The following GGACT variants were observed in gnomAD, a reference collection of about 807,000 sequenced individuals.
The protein encoded by GGACT is gamma-glutamylaminecyclotransferase.
For missense variants in GGACT, 241 were observed against 233.2 expected (o/e 1.03, Z -0.22); for synonymous variants, 118 against 115.3 (o/e 1.02, Z -0.15).
In GGACT at chr13:100,531,878, C is replaced by G. The variant is rs1165672015; in HGVS notation, c.*252G>C. ...GGAGGAAGAAGAATTAGGCATAACA[C>G]GAGTTCTCTAAATGTCATTTAGGGG... On this transcript the variant is annotated 3_prime_UTR_variant, in exon 3 of 3. Coordinates refer to ENST00000683975, the MANE Select transcript of GGACT (RefSeq NM_001195087.2). 1 of 401,010 alleles carries G rather than the reference C, an allele frequency of 2.5e-6. No individual in the cohort carries two copies. Among genetic ancestry groups the G allele is most frequent in the Non-Finnish European group, 4.4e-6 (1 of 226,998 alleles). 24.8% of individuals were successfully genotyped at this position (401,010 alleles called of 1,614,324 possible). A position where few individuals can be genotyped will look rare whatever the true frequency, so the allele number is the denominator to read the frequency against.
chr13:100,536,029 G>A (rs1382890772), intron 2 of GGACT: 3 of 152,054 alleles, frequency 2.0e-5, no homozygotes, highest in Non-Finnish European at 4.4e-5. Context: ...CCCACTTTTG[G>A]TTAATAACAT....
intron 2 of GGACT, among the ~76,000 whole-genome samples, chr13:100,559,290 C>T (rs985693230): frequency 1.3e-5 from 2 of 152,130 alleles, no homozygotes; most frequent in Admixed American, 6.5e-5. Flanking sequence ...CTGGCTCAAG[C>T]GATTCTCCTG....
chr13:100,532,243 A>T lies in GGACT; in HGVS notation c.349T>A (p.Phe117Ile). ...EPPAPTAVQCFVYSRATFPPE... is the reference protein window; with the variant it reads ...EPPAPTAVQCIVYSRATFPPE... Reference sequence around the variant, plus strand: ...GGGAAGGTGGCCCTGCTGTACACGAAGCACTGCACCGCGGTGGGCGCTGGC... The same window carrying T: ...GGGAAGGTGGCCCTGCTGTACACGATGCACTGCACCGCGGTGGGCGCTGGC... The change falls in exon 3 of 3, where the codon TTC becomes ATC. Residue 117 changes from phenylalanine to isoleucine, a missense_variant. Phe to Ile is a conservative substitution (Grantham distance 21). Transcript: ENST00000683975. 1 of 1,510,066 alleles carries T rather than the reference A, an allele frequency of 6.6e-7. No individual in the cohort carries two copies. Among genetic ancestry groups the T allele is most frequent in the Non-Finnish European group, 8.9e-7 (1 of 1,122,814 alleles). 93.5% of individuals were successfully genotyped at this position (1,510,066 alleles called of 1,614,324 possible). A position where few individuals can be genotyped will look rare whatever the true frequency, so the allele number is the denominator to read the frequency against.
intron 2 of GGACT, among the ~76,000 whole-genome samples, chr13:100,575,641 G>A (rs555259823): frequency 6.6e-6 from 1 of 152,274 alleles, no homozygotes; most frequent in Admixed American, 6.5e-5. Flanking sequence ...GTGCACAACT[G>A]TGGTCCCAGC....
intron 2 of GGACT, among the ~76,000 whole-genome samples, chr13:100,547,903 C>A (rs2088623107): frequency 6.6e-6 from 1 of 152,224 alleles, no homozygotes; most frequent in South Asian, 2.1e-4. Flanking sequence ...AGAAACACAG[C>A]AAACGGTTTG....
intron 2 of GGACT, among the ~76,000 whole-genome samples, chr13:100,575,434 T>C (rs1388057221): frequency 6.6e-6 from 1 of 152,228 alleles, no homozygotes; most frequent in East Asian, 1.9e-4. Context: ...TGCATGATTT[T>C]TGTTTCACAA....
chr13:100,582,867 A>G (rs993097881), intron 2 of GGACT, among the ~76,000 whole-genome samples: 3 of 152,214 alleles, frequency 2.0e-5, no homozygotes, highest in Non-Finnish European at 4.4e-5. Flanking sequence ...TGTCTCCCAC[A>G]TAATAGAAAT....
chr13:100,570,477 T>TG lies in GGACT; in HGVS notation c.-11+13347dup, dbSNP rs201616526. Among the ~76,000 whole-genome samples, 334 of 152,094 alleles carry TG rather than the reference T, an allele frequency of 2.2e-3. 8 individuals carry two copies. The East Asian group carries it at 0.038, about 17-fold the overall frequency. ...AGAACTCACTATCACAAGAACAGGA[T>TG]GGGGGGGAACCGCTGCCATGATTCA... On this transcript the variant is annotated intron_variant, in intron 2 of 2. Coordinates refer to ENST00000683975, the MANE Select transcript of GGACT (RefSeq NM_001195087.2).
intron 2 of GGACT, among the ~76,000 whole-genome samples, chr13:100,560,379 C>CCATAAACA (rs1482659577): frequency 6.2e-4 from 95 of 152,224 alleles, no homozygotes; most frequent in African/African-American, 2.2e-3. Flanking sequence ...TGTTGCTGCT[C>CCATAAACA]CATAAACATT....
chr13:100,562,904 C>T (rs2088778153), intron 2 of GGACT, among the ~76,000 whole-genome samples: 1 of 152,120 alleles, frequency 6.6e-6, no homozygotes, highest in African/African-American at 2.4e-5. Flanking sequence ...AAAAAAAGAG[C>T]TCCCGTTCCC....
intron 2 of GGACT, among the ~76,000 whole-genome samples, chr13:100,549,593 C>T (rs1342583568): frequency 6.6e-6 from 1 of 152,254 alleles, no homozygotes; most frequent in African/African-American, 2.4e-5. Context: ...AGGGCCCAGC[C>T]AGACTCCGCC....
rs951319459 is a variant in GGACT at position 100,531,075 on chromosome 13, G to A, written c.*1055C>T. The A allele has an allele frequency of 5.3e-5, 8 of 152,268 alleles. No individual in the cohort carries two copies. Among genetic ancestry groups the A allele is most frequent in the African/African-American group, 1.9e-4 (8 of 41,458 alleles). The allele number at this position is 152,268 out of a possible 1,614,324, so 9.4% of individuals were successfully genotyped here. A position where few individuals can be genotyped will look rare whatever the true frequency, so the allele number is the denominator to read the frequency against. The stretch of plus-strand genomic sequence containing the variant: ...GAAGAGTAAGTGAGCTCTCCCAACA[G>A]AGAATGAGGTTACTAAAGATCACAG... On this transcript the variant is annotated 3_prime_UTR_variant, in exon 3 of 3. Coordinates refer to ENST00000683975, the MANE Select transcript of GGACT (RefSeq NM_001195087.2).
chr13:100,579,979 G>T (rs949809184), intron 2 of GGACT: 2 of 152,206 alleles, frequency 1.3e-5, no homozygotes, highest in Non-Finnish European at 2.9e-5. Context: ...TGGAACTTAG[G>T]TCTCCTGTCA....
At chr13:100,550,337 CACACACACACACACA>C (rs1566532483) in intron 2 of GGACT, among the ~76,000 whole-genome samples, 6,376 of 133,396 alleles carry the variant, frequency 0.048, 816 homozygotes, top group East Asian at 0.14. Context: ...CACACACACA[CACACACACACACACA>C]CACCACTGGC....
chr13:100,572,257 G>A (rs1159053918), intron 2 of GGACT, among the ~76,000 whole-genome samples: 10 of 152,190 alleles, frequency 6.6e-5, no homozygotes, highest in Admixed American at 6.5e-4. Flanking sequence ...ACAAGGATAA[G>A]CCTTGAGAAC....
chr13:100,576,283 A>G (rs1386300006), intron 2 of GGACT, among the ~76,000 whole-genome samples: 2 of 152,246 alleles, frequency 1.3e-5, no homozygotes, highest in Non-Finnish European at 2.9e-5. Flanking sequence ...AAGAAACACC[A>G]AATTGATAAC....
intron 2 of GGACT, chr13:100,538,705 G>C (rs546283017): frequency 1.3e-5 from 2 of 152,312 alleles, no homozygotes; most frequent in East Asian, 3.9e-4. Context: ...TCTTTTCCAA[G>C]ATCACATTGT....
intron 2 of GGACT, among the ~76,000 whole-genome samples, chr13:100,583,609 C>A (rs964296451): frequency 5.3e-5 from 8 of 152,134 alleles, no homozygotes; most frequent in Non-Finnish European, 1.0e-4. Flanking sequence ...CAGCTCACTG[C>A]AGCCTCAATC....
chr13:100,561,130 G>A (rs1466169015), intron 2 of GGACT, among the ~76,000 whole-genome samples: 5 of 152,122 alleles, frequency 3.3e-5, no homozygotes, highest in East Asian at 3.9e-4. Context: ...CCCCCGCCCC[G>A]GGCATTTTAA....
Sources: allele counts gnomAD v4.1 joint callset (sites outside exome capture counted in the v4.1 genomes callset), GRCh38; gene constraint gnomAD v4.1.1; transcripts MANE v1.5; gene names NCBI Gene and HGNC (gene_info 2026-07-23, HGNC 2026-07-21).